WDPCP: variants seen among roughly 807,000 people sequenced by gnomAD.
WDPCP encodes WD repeat-containing and planar cell polarity effector protein fritz homolog.
WDPCP carries 71 observed loss-of-function variants against 93.1 expected under a neutral mutation model. The ratio of observed to expected loss-of-function variants is 0.76; its 90% confidence interval spans 0.63 to 0.93. The LOEUF (loss-of-function observed/expected upper bound fraction) is 0.93. WDPCP is among the 40% of genes least tolerant of loss of function. The pLI, the probability that WDPCP is intolerant of heterozygous loss-of-function variation, is 0.00. For synonymous variants in WDPCP, 315 were observed against 315.0 expected, an observed-to-expected ratio of 1.00 and a Z score of 0.00; for missense variants, 844 against 887.4, an observed-to-expected ratio of 0.95 and a Z score of 0.62.
At chr2:63,711,310 A>G (rs993418054) in intron 2 of WDPCP, among the ~76,000 whole-genome samples, 1 of 152,218 alleles carries the variant, frequency 6.6e-6, no homozygotes, top group Non-Finnish European at 1.5e-5. Context: ...TAGTACCAGT[A>G]AAGTTTCACA....
chr2:63,450,542 C>G (rs1185589645), intron 6 of WDPCP, among the ~76,000 whole-genome samples: 1 of 152,156 alleles, frequency 6.6e-6, no homozygotes, highest in Non-Finnish European at 1.5e-5. Context: ...AGTAACTGAC[C>G]TGCCTGGTAC....
chr2:63,375,856 G>C (rs1157636400), intron 12 of WDPCP, among the ~76,000 whole-genome samples: 1 of 151,806 alleles, frequency 6.6e-6, no homozygotes, highest in Non-Finnish European at 1.5e-5. Flanking sequence ...GGCAATCTGA[G>C]TTCCATGTGA....
chr2:63,413,876 A>G (rs1471563058), intron 9 of WDPCP, among the ~76,000 whole-genome samples: 1 of 152,210 alleles, frequency 6.6e-6, no homozygotes, highest in Non-Finnish European at 1.5e-5. Flanking sequence ...CAAAAGGAAC[A>G]GTCAGCAGAG....
At chr2:63,556,452 C>A (rs1706130891) in intron 1 of WDPCP, among the ~76,000 whole-genome samples, 1 of 152,142 alleles carries the variant, frequency 6.6e-6, no homozygotes, top group South Asian at 2.1e-4. Flanking sequence ...AGAATGTCCC[C>A]AAACTAGCAA....
At chr2:63,375,818 T>C (rs1011141201) in intron 12 of WDPCP, among the ~76,000 whole-genome samples, 1 of 151,956 alleles carries the variant, frequency 6.6e-6, no homozygotes, top group Non-Finnish European at 1.5e-5. Context: ...TATTTTACTC[T>C]TTATCAAAAT....
intron 2 of WDPCP, among the ~76,000 whole-genome samples, chr2:63,663,842 T>A (rs1429397121): frequency 6.6e-6 from 1 of 152,238 alleles, no homozygotes; most frequent in Non-Finnish European, 1.5e-5. Context: ...TGATAATTGA[T>A]GTTCACATCA....
rs548106021 is a variant in WDPCP, at chr2:63,645,098, C to T, written n.488+5561G>A. On this transcript the variant is annotated intron_variant and non_coding_transcript_variant, in intron 3 of 4. Transcript: ENST00000467687. ...AGTTATTTAAGATGCATTGTTAGGTCGTCTACCTGAAGCTTTTTTTCTTTT... is the reference window on the plus strand; with the variant it reads ...AGTTATTTAAGATGCATTGTTAGGTTGTCTACCTGAAGCTTTTTTTCTTTT... Among the ~76,000 whole-genome samples the T allele has an allele frequency of 7.2e-5, 11 of 151,962 alleles. No individual in the cohort carries two copies. The South Asian group carries it at 8.3e-4, about 11-fold the overall frequency.
chr2:63,571,277 T>C lies in WDPCP; in HGVS notation c.75+16920A>G, dbSNP rs563792659. ...GTGTAAAATAAATCAGTGTACTATATTTACATATGCCACAAACCTCACAGA... is the reference window on the plus strand; with the variant it reads ...GTGTAAAATAAATCAGTGTACTATACTTACATATGCCACAAACCTCACAGA... On this transcript the variant is annotated intron_variant, in intron 1 of 17. Transcript: ENST00000272321. 2.3e-5 allele frequency: 10 copies of C among 426,854 alleles called. 1 individual carries two copies. The highest frequency in any genetic ancestry group is 1.2e-4 in the African/African-American group (6 of 48,578). The allele number at this position is 426,854 out of a possible 1,614,324, so 26.4% of individuals were successfully genotyped here.
chr2:63,353,729 G>C (rs1038978128), intron 12 of WDPCP, among the ~76,000 whole-genome samples: 2 of 152,150 alleles, frequency 1.3e-5, no homozygotes, highest in Non-Finnish European at 2.9e-5. Flanking sequence ...CAACAGCACC[G>C]TATGTCCCTG....
At chr2:63,531,789 C>T (rs1247358091) in intron 1 of WDPCP, among the ~76,000 whole-genome samples, 2 of 152,168 alleles carry the variant, frequency 1.3e-5, no homozygotes, top group African/African-American at 4.8e-5. Flanking sequence ...TTCTAAAAAT[C>T]AGACCACCTC....
Position 63,778,685 on chromosome 2 carries a change from A to G in WDPCP, n.308+34937T>C, listed in dbSNP as rs570702605. On this transcript the variant is annotated intron_variant and non_coding_transcript_variant, in intron 2 of 4. Coordinates refer to the WDPCP transcript ENST00000467687. ...CACACTGATTCTATGTTCTTTTTAT[A>G]TCTCAAACTCTACCACTGGCCAGAG... 9.9e-5 allele frequency among the ~76,000 whole-genome samples: 15 copies of G among 152,240 alleles called. No individual in the cohort carries two copies. In the South Asian group the frequency reaches 1.5e-3, roughly 15 times the overall value.
At chr2:63,504,320 T>A (rs1188889731) in intron 1 of WDPCP, among the ~76,000 whole-genome samples, 1 of 123,326 alleles carries the variant, frequency 8.1e-6, no homozygotes, top group Non-Finnish European at 1.7e-5. Flanking sequence ...AATTACGTAC[T>A]AAATTGTGTG....
At chr2:63,231,085 G>T (rs1678830900) in intron 14 of WDPCP, among the ~76,000 whole-genome samples, 1 of 152,104 alleles carries the variant, frequency 6.6e-6, no homozygotes, top group East Asian at 1.9e-4. Flanking sequence ...ATGCAAGGCT[G>T]GTTCAATATA....
chr2:63,835,654 A>C, the WDPCP span, among the ~76,000 whole-genome samples: 1 of 151,788 alleles, frequency 6.6e-6, no homozygotes, highest in Non-Finnish European at 1.5e-5. Context: ...AAAAAAAATA[A>C]TAAAATGGCA....
At chr2:63,397,748 C>G (rs1693847035) in intron 10 of WDPCP, among the ~76,000 whole-genome samples, 1 of 152,038 alleles carries the variant, frequency 6.6e-6, no homozygotes, top group Non-Finnish European at 1.5e-5. Context: ...GGTGACTTTT[C>G]CAAGAGCAGT....
chr2:63,490,389 GA>G (rs1235240607), intron 2 of WDPCP, among the ~76,000 whole-genome samples: 11 of 151,848 alleles, frequency 7.2e-5, no homozygotes, highest in Non-Finnish European at 1.6e-4. Flanking sequence ...AACGGTTCAA[GA>G]AAAAAAATTC....
intron 11 of WDPCP, among the ~76,000 whole-genome samples, chr2:63,378,878 G>A (rs1692070668): frequency 6.6e-6 from 1 of 152,114 alleles, no homozygotes; most frequent in African/African-American, 2.4e-5. Flanking sequence ...TTGGCTAAAA[G>A]GAGAAAACTG....
chr2:63,472,688 T>C (rs1699764658), intron 6 of WDPCP, among the ~76,000 whole-genome samples: 1 of 151,958 alleles, frequency 6.6e-6, no homozygotes. Context: ...TCCTCCCGAG[T>C]AGCTGGGATT....
intron 1 of WDPCP, chr2:63,571,659 C>T (rs763217291): frequency 8.5e-6 from 4 of 469,058 alleles, no homozygotes; most frequent in South Asian, 6.2e-5. Flanking sequence ...TGACCTACTC[C>T]ACCATTACTA....
Sources: gnomAD v4.1 joint callset for allele counts (sites outside exome capture counted in the v4.1 genomes callset) on GRCh38, gnomAD v4.1.1 for gene constraint, MANE v1.5 for transcripts, NCBI Gene and HGNC (gene_info 2026-07-23, HGNC 2026-07-21) for gene names.